SUMF1: variants seen among roughly 807,000 people sequenced by gnomAD.
SUMF1 encodes formylglycine-generating enzyme.
In SUMF1, 48 loss-of-function variants were observed where a neutral mutation model predicts 47.6. The ratio of observed to expected loss-of-function variants is 1.01; its 90% CI spans 0.80 to 1.28. The LOEUF (loss-of-function observed/expected upper bound fraction) is 1.28, where lower values mean the gene tolerates loss of function less well. Among genes scored for constraint, SUMF1 ranks in the 50% most tolerant of loss-of-function variants. The probability of loss-of-function intolerance (pLI) is 0.00; values close to 1 mark genes in which losing one functional copy is unlikely to be tolerated. For missense variants in SUMF1, 571 were observed against 485.4 expected (o/e 1.18, Z -1.66); for synonymous variants, 230 against 192.1 (o/e 1.20, Z -1.63).
intron 8 of SUMF1, chr3:4,303,438 C>T (rs780707877): frequency 3.2e-6 from 5 of 1,552,080 alleles, no homozygotes; most frequent in Non-Finnish European, 4.3e-6. Context: ...AAGCCTGAGG[C>T]CCCGACTGAG....
chr3:4,455,383 C>G (rs140310247), intron 1 of SUMF1, among the ~76,000 whole-genome samples: 1 of 152,106 alleles, frequency 6.6e-6, no homozygotes, highest in African/African-American at 2.4e-5. Context: ...AGTAGAAAAT[C>G]TGAACAGACT....
chr3:4,416,992 C>T, intron 6 of SUMF1, 136 bp downstream of exon 6: 3 of 785,198 alleles, frequency 3.8e-6, no homozygotes, highest in Non-Finnish European at 6.8e-6. Flanking sequence ...TTAGTATTTG[C>T]TACGTGCAAC....
At chr3:4,337,695 C>T (rs1699183819) in intron 8 of SUMF1, among the ~76,000 whole-genome samples, 1 of 152,186 alleles carries the variant, frequency 6.6e-6, no homozygotes, top group Non-Finnish European at 1.5e-5. Context: ...AAAGTGCTTT[C>T]AAACAAATCT....
intron 8 of SUMF1, among the ~76,000 whole-genome samples, chr3:4,295,047 A>T (rs1283754847): frequency 6.6e-6 from 1 of 152,180 alleles, no homozygotes; most frequent in Non-Finnish European, 1.5e-5. Context: ...TTCCTGGTTG[A>T]AATATCTAAA....
chr3:4,092,983 A>G (rs1692820741), intron 8 of SUMF1, among the ~76,000 whole-genome samples: 1 of 152,114 alleles, frequency 6.6e-6, no homozygotes, highest in African/African-American at 2.4e-5. Context: ...GAATGTGCCA[A>G]TGTTTATAGA....
intron 8 of SUMF1, among the ~76,000 whole-genome samples, chr3:4,374,249 C>T (rs956558136): frequency 6.6e-6 from 1 of 152,230 alleles, no homozygotes; most frequent in South Asian, 2.1e-4. Flanking sequence ...TGTCGATATT[C>T]ACAGATCATA....
chr3:4,131,964 G>A lies in SUMF1; in HGVS notation c.1015-63219C>T, dbSNP rs181106541. Among the ~76,000 whole-genome samples, 116 of 152,186 alleles carry A rather than the reference G, an allele frequency of 7.6e-4. 1 individual carries two copies. Among genetic ancestry groups the A allele is most frequent in the African/African-American group, 2.7e-3 (113 of 41,526 alleles). On this transcript the variant is annotated intron_variant and NMD_transcript_variant, in intron 8 of 12. Transcript: ENST00000448413. ...ACTTTCACTCACCAAGGCCGACCTG[G>A]CTACAGCCAGTGCTGAGTGCCCAAT...
chr3:4,302,530 T>G (rs1697995133), intron 8 of SUMF1, among the ~76,000 whole-genome samples: 1 of 152,142 alleles, frequency 6.6e-6, no homozygotes, highest in African/African-American at 2.4e-5. Flanking sequence ...TGTGTTGATG[T>G]TGATGCTGGC....
chr3:4,443,085 G>C (rs1702659386), intron 3 of SUMF1, among the ~76,000 whole-genome samples: 1 of 150,670 alleles, frequency 6.6e-6, no homozygotes, highest in African/African-American at 2.4e-5. Flanking sequence ...AGACCAGTCT[G>C]AGCAACATGA....
chr3:4,185,027 T>A (rs554196070), intron 8 of SUMF1, among the ~76,000 whole-genome samples: 9 of 152,278 alleles, frequency 5.9e-5, no homozygotes, highest in Admixed American at 1.3e-4. Context: ...ATCATCCTAT[T>A]TCCTATACAA....
intron 8 of SUMF1, among the ~76,000 whole-genome samples, chr3:4,173,202 A>G (rs566130194): frequency 6.6e-6 from 1 of 152,116 alleles, no homozygotes; most frequent in Non-Finnish European, 1.5e-5. Flanking sequence ...CTTCTGTTCC[A>G]TTGCTCTATA....
At chr3:4,151,602 G>A (rs943326344) in intron 8 of SUMF1, among the ~76,000 whole-genome samples, 12 of 142,646 alleles carry the variant, frequency 8.4e-5, no homozygotes, top group Non-Finnish European at 1.6e-4. Flanking sequence ...CAAGTATATA[G>A]AGCAGAGGTG....
At position 4,362,167 on chromosome 3, in the gene SUMF1, C is replaced by T. The variant is rs781069134; in HGVS notation, c.1102G>A (p.Asp368Asn). The change falls in exon 9 of 9, where the codon GAC becomes AAC. Residue 368 changes from aspartate (D) to asparagine (N), a missense_variant. Physicochemically the swap from Asp to Asn is conservative, Grantham distance 23 (BLOSUM62 1). Coordinates refer to ENST00000272902, the MANE Select transcript of SUMF1 (RefSeq NM_182760.4). The part of the protein sequence containing the change: ...ASNLGFRCAA[D>N]RLPTMD ...TGTCAGTCCATAGTGGGCAGGCGGTCGGCTGCACAGCGGAATCCCAGATTC... is the reference window on the plus strand; with the variant it reads ...TGTCAGTCCATAGTGGGCAGGCGGTTGGCTGCACAGCGGAATCCCAGATTC... The T allele has an allele frequency of 1.5e-5, 25 of 1,614,008 alleles. No homozygotes were observed. Among genetic ancestry groups the T allele is most frequent in the East Asian group, 4.5e-5 (2 of 44,884 alleles).
intron 8 of SUMF1, among the ~76,000 whole-genome samples, chr3:4,349,118 TA>T (rs1170898427): frequency 2.6e-5 from 4 of 152,190 alleles, no homozygotes; most frequent in African/African-American, 9.7e-5. Flanking sequence ...AAAGGTCTAA[TA>T]TCTAGAATTT....
chr3:4,365,618 G>A (rs965996642), intron 8 of SUMF1, among the ~76,000 whole-genome samples: 56 of 145,842 alleles, frequency 3.8e-4, no homozygotes, highest in African/African-American at 8.3e-4. Flanking sequence ...GTCTCTGCAC[G>A]TGAGATGGGT....
At chr3:4,372,658 G>A (rs564044145) in intron 8 of SUMF1, among the ~76,000 whole-genome samples, 66 of 152,170 alleles carry the variant, frequency 4.3e-4, no homozygotes, top group Non-Finnish European at 8.5e-4. Flanking sequence ...CTTATAATGG[G>A]TACAATTATA....
Position 4,335,780 on chromosome 3 carries a change from T to A in SUMF1, c.1014+40550A>T, listed in dbSNP as rs371496267. On this transcript the variant is annotated intron_variant and NMD_transcript_variant, in intron 8 of 12. Coordinates refer to the SUMF1 transcript ENST00000448413. ...CAAGAGACCAGCCTAGTCAATATGG[T>A]GAAACCCCATCTCTACTAAAAATAC... is the stretch of plus-strand genomic sequence containing the variant. Among the ~76,000 whole-genome samples the A allele has an allele frequency of 2.6e-4, 40 of 151,686 alleles. No individual in the cohort carries two copies. The East Asian group carries it at 7.2e-3, about 27-fold the overall frequency.
At chr3:4,278,931 T>C (rs960498669) in intron 8 of SUMF1, among the ~76,000 whole-genome samples, 2 of 152,114 alleles carry the variant, frequency 1.3e-5, no homozygotes, top group Admixed American at 1.3e-4. Context: ...GATACCAGAG[T>C]ACCCTTTAAG....
At chr3:4,318,827 G>C (rs531753473) in intron 8 of SUMF1, among the ~76,000 whole-genome samples, 16 of 152,012 alleles carry the variant, frequency 1.1e-4, no homozygotes, top group African/African-American at 3.6e-4. Context: ...AGAATCATTT[G>C]AACCTGGGGT....
Sources: allele counts gnomAD v4.1 joint callset (sites outside exome capture counted in the v4.1 genomes callset), GRCh38; gene constraint gnomAD v4.1.1; transcripts MANE v1.5; gene names NCBI Gene and HGNC (gene_info 2026-07-23, HGNC 2026-07-21).